Variants in RNF185 observed in about 807,000 individuals in gnomAD.
The protein encoded by RNF185 is ring finger protein 185.
RNF185 carries 13 observed loss-of-function variants against 24.9 expected under a neutral mutation model. The observed-to-expected ratio is 0.52, with a 90% confidence interval of 0.34 to 0.83. RNF185 has a LOEUF of 0.83. RNF185 is among the 40% of genes least tolerant of loss of function. The pLI is 0.01. For missense variants in RNF185, 184 were observed against 244.7 expected (o/e 0.75, Z 1.65); for synonymous variants, 79 against 90.3 (o/e 0.88, Z 0.71).
rs150022827 is a variant in RNF185 at position 31,186,096 on chromosome 22, C to T, written c.-48-951C>T. Among the ~76,000 whole-genome samples the T allele has an allele frequency of 2.0e-3, 301 of 152,256 alleles. 1 individual carries two copies. The Middle Eastern group carries it at 0.034, about 17-fold the overall frequency. Reference sequence around the variant, plus strand: ...ACCTTTTTACTTATGGTAAGTATTACTGGTTTTCCATTTATTACAGTGACA... The same window carrying T: ...ACCTTTTTACTTATGGTAAGTATTATTGGTTTTCCATTTATTACAGTGACA... On this transcript the variant is annotated intron_variant, in intron 1 of 6. Coordinates refer to ENST00000326132, the MANE Select transcript of RNF185 (RefSeq NM_152267.4).
chr22:31,184,430 G>A lies in RNF185; in HGVS notation c.-48-2617G>A, dbSNP rs551705764. Among the ~76,000 whole-genome samples, 24 of 151,822 alleles carry A rather than the reference G, an allele frequency of 1.6e-4. No individual in the cohort carries two copies. The South Asian group carries it at 4.8e-3, about 30-fold the overall frequency. ...GGGGAGAGGCGCTCCTCACTTCCCA[G>A]ACTGGGCGGCTGGGCAGAGGGGCTC... On this transcript the variant is annotated intron_variant, in intron 1 of 6. Transcript: ENST00000326132.
chr22:31,163,964 G>A (rs1010046910), intron 1 of RNF185, among the ~76,000 whole-genome samples: 4 of 151,212 alleles, frequency 2.6e-5, no homozygotes, highest in Admixed American at 1.3e-4. Flanking sequence ...TTGAGCCACC[G>A]TGCCTGGCCC....
intron 3 of RNF185, 46 bp from the exon 4 acceptor site, chr22:31,195,423 G>A (rs780095152): frequency 1.5e-6 from 2 of 1,341,122 alleles, no homozygotes; most frequent in East Asian, 2.5e-5. Flanking sequence ...TGATCACTCT[G>A]GTGGGTCTTG....
intron 1 of RNF185, among the ~76,000 whole-genome samples, chr22:31,186,382 A>G (rs2147945768): frequency 6.6e-6 from 1 of 152,266 alleles, no homozygotes; most frequent in African/African-American, 2.4e-5. Flanking sequence ...CAGGTGGATC[A>G]CCTGAGGTCA....
In RNF185 at chr22:31,160,236, C is replaced by G. The variant is rs1223845155; in HGVS notation, c.-116C>G. On this transcript the variant is annotated 5_prime_UTR_variant, in exon 1 of 7. Coordinates refer to ENST00000326132, the MANE Select transcript of RNF185 (RefSeq NM_152267.4). ...GGAGGTCTTACCCAACAGATTGACG[C>G]GGCGTTAGTATTGGCCGTGTACCCG... 6.8e-6 allele frequency: 1 copy of G among 147,068 alleles called. No homozygotes were observed. Among genetic ancestry groups the G allele is most frequent in the African/African-American group, 2.5e-5 (1 of 40,184 alleles). The allele number at this position is 147,068 out of a possible 1,614,324, so 9.1% of individuals were successfully genotyped here.
chr22:31,201,293 A>G (rs2048261101), intron 5 of RNF185, among the ~76,000 whole-genome samples: 2 of 152,252 alleles, frequency 1.3e-5, no homozygotes, highest in African/African-American at 2.4e-5. Context: ...AGCTAAGGCT[A>G]AAAGGGCAGA....
chr22:31,202,460 G>C (rs1360807369), intron 6 of RNF185, among the ~76,000 whole-genome samples: 1 of 151,390 alleles, frequency 6.6e-6, no homozygotes, highest in African/African-American at 2.4e-5. Flanking sequence ...GGTCATCCCA[G>C]TTATTCTCAT....
chr22:31,182,350 T>C (rs945342153), intron 1 of RNF185, among the ~76,000 whole-genome samples: 1 of 152,020 alleles, frequency 6.6e-6, no homozygotes, highest in African/African-American at 2.4e-5. Flanking sequence ...TGCAGTGGTA[T>C]AATCTTGGCT....
At chr22:31,180,010 A>G (rs2048017853) in intron 1 of RNF185, among the ~76,000 whole-genome samples, 1 of 150,564 alleles carries the variant, frequency 6.6e-6, no homozygotes, top group African/African-American at 2.4e-5. Context: ...CAAGAGATCT[A>G]CCGTGGCCAT....
chr22:31,202,373 A>T (rs1455433282), intron 6 of RNF185, among the ~76,000 whole-genome samples: 1 of 152,086 alleles, frequency 6.6e-6, no homozygotes, highest in African/African-American at 2.4e-5. Context: ...CTTCATGTGC[A>T]CTGGACACAG....
intron 1 of RNF185, among the ~76,000 whole-genome samples, chr22:31,171,506 G>C (rs1414333823): frequency 6.6e-6 from 1 of 151,788 alleles, no homozygotes; most frequent in Non-Finnish European, 1.5e-5. Flanking sequence ...CATGGGTCTG[G>C]TAGTTGGCAT....
intron 5 of RNF185, among the ~76,000 whole-genome samples, chr22:31,198,813 G>C (rs139370330): frequency 7.0e-6 from 1 of 141,952 alleles, no homozygotes; most frequent in Non-Finnish European, 1.5e-5. Flanking sequence ...TAAGGTTCTC[G>C]GCTGGGCGTG....
At chr22:31,180,327 G>T (rs2048021876) in intron 1 of RNF185, among the ~76,000 whole-genome samples, 1 of 151,984 alleles carries the variant, frequency 6.6e-6, no homozygotes, top group East Asian at 1.9e-4. Flanking sequence ...AGCTGGGCGT[G>T]GTGGTGGGCA....
intron 1 of RNF185, among the ~76,000 whole-genome samples, chr22:31,175,823 G>A (rs901774434): frequency 2.0e-5 from 3 of 152,090 alleles, no homozygotes; most frequent in Non-Finnish European, 2.9e-5. Flanking sequence ...TTTCTGAGAT[G>A]ATTATTATTC....
chr22:31,167,833 G>A (rs1056253500), intron 1 of RNF185, among the ~76,000 whole-genome samples: 18 of 151,994 alleles, frequency 1.2e-4, no homozygotes, highest in African/African-American at 4.3e-4. Flanking sequence ...GGCTGGTCTC[G>A]AACGCCTGAC....
At chr22:31,163,822 C>T (rs1228282648) in intron 1 of RNF185, among the ~76,000 whole-genome samples, 5 of 151,598 alleles carry the variant, frequency 3.3e-5, no homozygotes, top group East Asian at 3.9e-4. Flanking sequence ...TACAGGTGCA[C>T]GCCACCTTGC....
intron 1 of RNF185, among the ~76,000 whole-genome samples, chr22:31,161,482 C>T (rs1171562594): frequency 1.3e-5 from 2 of 152,254 alleles, no homozygotes; most frequent in African/African-American, 2.4e-5. Flanking sequence ...GTGCACCATC[C>T]TTCTTTTCAA....
In RNF185 at chr22:31,204,697, A is replaced by G; in HGVS notation, c.*111A>G. 1.5e-6 allele frequency: 1 copy of G among 657,214 alleles called. No individual in the cohort carries two copies. Among genetic ancestry groups the G allele is most frequent in the East Asian group, 2.6e-5 (1 of 38,684 alleles). The allele number at this position is 657,214 out of a possible 1,614,324, so 40.7% of individuals were successfully genotyped here. A position where few individuals can be genotyped will look rare whatever the true frequency, so the allele number is the denominator to read the frequency against. ...CTTGACTCCTGGAATCAGTGGGATC[A>G]GTAACACATCAAGGAGTCTTGTTTC... On this transcript the variant is annotated 3_prime_UTR_variant, in exon 7 of 7. Transcript: ENST00000326132.
intron 1 of RNF185, among the ~76,000 whole-genome samples, chr22:31,181,463 TTC>T (rs1180552018): frequency 1.3e-5 from 2 of 152,242 alleles, no homozygotes; most frequent in Non-Finnish European, 2.9e-5. Context: ...GTTTCATCTT[TTC>T]TCTCCATTTT....
Sources: gnomAD v4.1 joint callset for allele counts (sites outside exome capture counted in the v4.1 genomes callset) on GRCh38, gnomAD v4.1.1 for gene constraint, MANE v1.5 for transcripts, NCBI Gene and HGNC (gene_info 2026-07-23, HGNC 2026-07-21) for gene names.